The following ABCA10 variants were observed in gnomAD, a reference collection of about 807,000 sequenced individuals.
The protein encoded by ABCA10 is ATP-binding cassette sub-family A member 10.
ABCA10 carries 169 observed loss-of-function variants against 187.5 expected under a neutral mutation model. The ratio of observed to expected loss-of-function variants is 0.90; its 90% CI spans 0.80 to 1.02. ABCA10 has a LOEUF of 1.02. ABCA10 is among the 50% of genes least tolerant of loss of function. ABCA10 has a pLI of 0.00. For missense variants in ABCA10, 1,727 were observed against 1,812.4 expected, an observed-to-expected ratio of 0.95 and a Z score of 0.86; for synonymous variants, 574 against 601.8, an observed-to-expected ratio of 0.95 and a Z score of 0.68.
rs761243208 is a variant in ABCA10 at position 69,153,465 on chromosome 17, C to A, written c.4041+6G>T. The A allele has an allele frequency of 3.1e-6, 5 of 1,614,108 alleles. No individual in the cohort carries two copies. Among genetic ancestry groups the A allele is most frequent in the Non-Finnish European group, 4.2e-6 (5 of 1,180,012 alleles). On this transcript the variant is annotated splice_donor_region_variant and intron_variant, in intron 33 of 38. Transcript: ENST00000690296. The stretch of plus-strand genomic sequence containing the variant: ...TGCACAGGGAAACCCCGAGCCTGGC[C>A]CATACCTTTCTCTTTATTCCCTCTG...
upstream of ABCA10, chr17:69,233,406 GT>G (rs978002075): frequency 6.6e-6 from 1 of 151,532 alleles, no homozygotes. Flanking sequence ...CATGTTTGTG[GT>G]TTTTTTAATT....
At chr17:69,151,998 T>C (rs1197303637) in intron 36 of ABCA10, 45 bp downstream of exon 36, 2 of 1,581,806 alleles carry the variant, frequency 1.3e-6, no homozygotes, top group Non-Finnish European at 8.5e-7. Flanking sequence ...ATGCTAATAC[T>C]GGAAAACACT....
Position 69,159,392 on chromosome 17 carries a change from G to C in ABCA10, c.3364-2469C>G, listed in dbSNP as rs190342775. ...GAACAGAAAATTTTTTTTAAGAAAT[G>C]ATGGCCCAAAACTTCCAAAATTTGT... On this transcript the variant is annotated intron_variant, in intron 27 of 38. Coordinates refer to ENST00000690296, the MANE Select transcript of ABCA10 (RefSeq NM_001377321.1). Among the ~76,000 whole-genome samples, 135 of 152,120 alleles carry C rather than the reference G, an allele frequency of 8.9e-4. 1 individual carries two copies. Among genetic ancestry groups the C allele is most frequent in the Admixed American group, 4.8e-3 (74 of 15,280 alleles).
upstream of ABCA10, among the ~76,000 whole-genome samples, chr17:69,229,470 A>G (rs1365945787): frequency 6.6e-6 from 1 of 151,958 alleles, no homozygotes; most frequent in East Asian, 1.9e-4. Flanking sequence ...CTACAACTAA[A>G]TTGGATATTC....
Position 69,152,051 on chromosome 17 carries a change from C to T in ABCA10, c.4389G>A (p.Trp1463Ter), listed in dbSNP as rs1404725532. 6.2e-7 allele frequency: 1 copy of T among 1,608,844 alleles called. No individual in the cohort carries two copies. Among genetic ancestry groups the T allele is most frequent in the Non-Finnish European group, 8.5e-7 (1 of 1,178,780 alleles). The change falls in exon 36 of 39, where the codon TGG becomes TGA. Residue 1463 changes from tryptophan to a stop codon, truncating the protein, a stop_gained. Transcript: ENST00000690296. LOFTEE classifies it high-confidence loss of function. ...CCGAAAACATCCTTTACCTTTCCTGCCAAGCAGCCTGTGGGAAAAGCTTCA... is the reference window on the plus strand; with the variant it reads ...CCGAAAACATCCTTTACCTTTCCTGTCAAGCAGCCTGTGGGAAAAGCTTCA... ...EILKLFPQAAWQERYSSLMAY... is the reference protein window; with the variant it reads ...EILKLFPQAA
intron 15 of ABCA10, 80 bp from the exon 16 acceptor site, chr17:69,192,733 C>T: frequency 8.2e-7 from 1 of 1,214,696 alleles, no homozygotes; most frequent in South Asian, 1.3e-5. Context: ...GATACTAAAA[C>T]ACTGAATGAA....
rs923285864 is a variant in ABCA10 at position 69,162,820 on chromosome 17, C to T, written c.3363+1254G>A. On this transcript the variant is annotated intron_variant, in intron 27 of 38. Transcript: ENST00000690296. Reference sequence around the variant, plus strand: ...TGAAAAAATTACATATATACATATACATATACATATACATATACATATATA... The same window carrying T: ...TGAAAAAATTACATATATACATATATATATACATATACATATACATATATA... Among the ~76,000 whole-genome samples the T allele has an allele frequency of 6.3e-5, 4 of 63,518 alleles. No individual in the cohort carries two copies. In the South Asian group the frequency reaches 1.3e-3, roughly 20 times the overall value. 41.7% of individuals were successfully genotyped at this position (63,518 alleles called of 152,430 possible).
intron 1 of ABCA10, among the ~76,000 whole-genome samples, chr17:69,241,184 T>C (rs2074901342): frequency 6.6e-6 from 1 of 152,224 alleles, no homozygotes; most frequent in Non-Finnish European, 1.5e-5. Flanking sequence ...ATAATTCTAC[T>C]CTTCCAGAGG....
At chr17:69,183,526 G>A (rs1377760716) in intron 20 of ABCA10, among the ~76,000 whole-genome samples, 1 of 152,170 alleles carries the variant, frequency 6.6e-6, no homozygotes, top group African/African-American at 2.4e-5. Context: ...CCATGAGACA[G>A]CTGAAAAACT....
intron 9 of ABCA10, among the ~76,000 whole-genome samples, chr17:69,207,440 A>G (rs938245125): frequency 6.6e-6 from 1 of 152,228 alleles, no homozygotes; most frequent in Non-Finnish European, 1.5e-5. Context: ...CTGCACTCCC[A>G]TATTCGTTGT....
At chr17:69,190,672 T>C (rs150269161) in intron 17 of ABCA10, among the ~76,000 whole-genome samples, 195 bp from the exon 18 acceptor site, 1 of 151,984 alleles carries the variant, frequency 6.6e-6, no homozygotes, top group African/African-American at 2.4e-5. Flanking sequence ...TACATTTCCA[T>C]TTTGTTTCAT....
chr17:69,152,161 G>T lies in ABCA10; in HGVS notation c.4279C>A (p.Leu1427Met), dbSNP rs1226773523. 6.2e-7 allele frequency: 1 copy of T among 1,612,256 alleles called. No individual in the cohort carries two copies. Among genetic ancestry groups the T allele is most frequent in the East Asian group, 2.2e-5 (1 of 44,844 alleles). Residue 1427 changes from leucine to methionine, a missense_variant, in exon 36 of 39, where the codon CTG (leucine) becomes ATG (methionine). By Grantham distance (15) the Leu-to-Met change is conservative. Transcript: ENST00000690296. ...TAATCTCTACCAAACTTGTTTTTCA[G>T]ATGTTGAATGGAACCAATACACCTA... ...TLRCIGSIQH[L>M]KNKFGRDYLL...
chr17:69,152,637 A>G (rs557055286), intron 34 of ABCA10, among the ~76,000 whole-genome samples, 156 bp from the exon 35 acceptor site: 1 of 152,246 alleles, frequency 6.6e-6, no homozygotes, highest in South Asian at 2.1e-4. Flanking sequence ...AAATTTAAAA[A>G]TTAGCCAGGC....
chr17:69,204,533 T>C (rs1667013987), intron 9 of ABCA10, among the ~76,000 whole-genome samples: 1 of 152,230 alleles, frequency 6.6e-6, no homozygotes, highest in Admixed American at 6.5e-5. Flanking sequence ...CCCTAGAACT[T>C]ACCCTCTCAT....
chr17:69,152,032 A>G lies in ABCA10; in HGVS notation c.4397+11T>C, dbSNP rs543528716. On this transcript the variant is annotated intron_variant, in intron 36 of 38. Transcript: ENST00000690296. ...CTCATACTTGTCACTCAAACCGAAAACATCCTTTACCTTTCCTGCCAAGCA... is the reference window on the plus strand; with the variant it reads ...CTCATACTTGTCACTCAAACCGAAAGCATCCTTTACCTTTCCTGCCAAGCA... The G allele has an allele frequency of 6.2e-7, 1 of 1,601,852 alleles. No homozygotes were observed. Among genetic ancestry groups the G allele is most frequent in the South Asian group, 1.1e-5 (1 of 88,436 alleles).
rs141590994 is a variant in ABCA10, at chr17:69,154,010, C to T, written c.3787-1G>A. 4.2e-4 allele frequency: 670 copies of T among 1,611,660 alleles called. 4 individuals carry two copies. The East Asian group carries it at 0.011, about 26-fold the overall frequency. On this transcript the variant is annotated splice_acceptor_variant, in intron 31 of 38. Coordinates refer to ENST00000690296, the MANE Select transcript of ABCA10 (RefSeq NM_001377321.1). LOFTEE classifies it high-confidence loss of function. Reference sequence around the variant, plus strand: ...ATGCTCTGCTGCCTTGTAACACCACCTGCACAAGACAATGAATGTCAGATT... The same window carrying T: ...ATGCTCTGCTGCCTTGTAACACCACTTGCACAAGACAATGAATGTCAGATT...
intron 36 of ABCA10, among the ~76,000 whole-genome samples, chr17:69,150,979 C>T (rs1445363252): frequency 1.3e-5 from 2 of 152,094 alleles, no homozygotes; most frequent in Admixed American, 6.6e-5. Context: ...GGGGTTCATC[C>T]GACTTCCTAT....
intron 3 of ABCA10, among the ~76,000 whole-genome samples, chr17:69,223,469 T>C (rs73998213): frequency 6.6e-6 from 1 of 152,112 alleles, no homozygotes; most frequent in African/African-American, 2.4e-5. Flanking sequence ...GTTTAATAGA[T>C]CTATTACTAA....
At chr17:69,177,970 AAAAAT>A (rs1258779269) in intron 22 of ABCA10, among the ~76,000 whole-genome samples, 4 of 74,484 alleles carry the variant, frequency 5.4e-5, no homozygotes, top group African/African-American at 1.9e-4. Flanking sequence ...AAAAAAAAAA[AAAAAT>A]ATATATATAT....
Sources: gnomAD v4.1 joint callset for allele counts (sites outside exome capture counted in the v4.1 genomes callset) on GRCh38, gnomAD v4.1.1 for gene constraint, MANE v1.5 for transcripts, NCBI Gene and HGNC (gene_info 2026-07-23, HGNC 2026-07-21) for gene names.